The following ADAMTS16 variants were observed in gnomAD, a reference collection of about 807,000 sequenced individuals.
ADAMTS16 encodes A disintegrin and metalloproteinase with thrombospondin motifs 16.
In ADAMTS16, 94 loss-of-function variants were observed where a neutral mutation model predicts 145.8. The observed-to-expected ratio is 0.64, with a 90% CI of 0.55 to 0.77. The LOEUF is 0.77. ADAMTS16 is among the 30% of genes least tolerant of loss of function. The pLI, the probability that ADAMTS16 is intolerant of heterozygous loss-of-function variation, is 0.00. For synonymous variants in ADAMTS16, 659 were observed against 604.3 expected, an observed-to-expected ratio of 1.09 and a Z score of -1.33; for missense variants, 1,585 against 1,591.5, an observed-to-expected ratio of 1.00 and a Z score of 0.07.
In ADAMTS16 at chr5:5,250,741, G is replaced by GTGCA. The variant is rs555628197; in HGVS notation, c.2662+8550_2662+8551insTGCA. Among the ~76,000 whole-genome samples, 613 of 152,008 alleles carry GTGCA rather than the reference G, an allele frequency of 4.0e-3. 4 individuals are homozygous for GTGCA. Among genetic ancestry groups the GTGCA allele is most frequent in the African/African-American group, 0.014 (582 of 41,408 alleles). On this transcript the variant is annotated intron_variant, in intron 17 of 22. Coordinates refer to ENST00000274181, the MANE Select transcript of ADAMTS16 (RefSeq NM_139056.4). ...TGTGTGTGTGTGTGTGTGTGTGCGC[G>GTGCA]CACTCCTGGAGAGGCACAGAGATGT...
intron 5 of ADAMTS16, 50 bp downstream of exon 5, chr5:5,186,301 GGTGTGTGTGTGTGT>G (rs1553989063): frequency 2.0e-6 from 2 of 986,976 alleles, no homozygotes; most frequent in Non-Finnish European, 1.5e-6. Context: ...CACTTCGTAG[GGTGTGTGTGTGTGT>G]GTGTGTGTGT....
At chr5:5,316,224 T>C (rs1363528660) in intron 21 of ADAMTS16, among the ~76,000 whole-genome samples, 1 of 152,146 alleles carries the variant, frequency 6.6e-6, no homozygotes, top group Non-Finnish European at 1.5e-5. Flanking sequence ...TGACATACTC[T>C]CTTGTAGGTT....
chr5:5,195,555 C>T (rs1237963283), intron 8 of ADAMTS16, among the ~76,000 whole-genome samples: 2 of 152,192 alleles, frequency 1.3e-5, no homozygotes, highest in African/African-American at 2.4e-5. Context: ...CTCCGTAGCT[C>T]ATATATGCAA....
intron 16 of ADAMTS16, among the ~76,000 whole-genome samples, chr5:5,241,291 T>C (rs746953359): frequency 6.6e-6 from 1 of 152,190 alleles, no homozygotes; most frequent in Non-Finnish European, 1.5e-5. Flanking sequence ...ATCTAATACA[T>C]TTATGAGAGA....
intron 18 of ADAMTS16, among the ~76,000 whole-genome samples, chr5:5,288,379 C>T (rs1484513754): frequency 6.6e-6 from 1 of 152,132 alleles, no homozygotes; most frequent in Non-Finnish European, 1.5e-5. Context: ...CCCTAGAATG[C>T]CACGTAAAAG....
chr5:5,174,157 T>G (rs1735124747), intron 3 of ADAMTS16, among the ~76,000 whole-genome samples: 1 of 152,216 alleles, frequency 6.6e-6, no homozygotes, highest in Admixed American at 6.5e-5. Context: ...ATCCCTCAGC[T>G]TTTGTTTATC....
In ADAMTS16 at chr5:5,272,202, A is replaced by C. The variant is rs542518874; in HGVS notation, c.2789+9419A>C. 2.6e-5 allele frequency among the ~76,000 whole-genome samples: 4 copies of C among 152,162 alleles called. No homozygotes were observed. The East Asian group carries it at 7.8e-4, about 29-fold the overall frequency. Reference sequence around the variant, plus strand: ...GCTCACAGGAATGCTGGAGAAGTGAACATCTCGGTTCATTTAATTATCTAA... The same window carrying C: ...GCTCACAGGAATGCTGGAGAAGTGACCATCTCGGTTCATTTAATTATCTAA... On this transcript the variant is annotated intron_variant, in intron 18 of 22. Transcript: ENST00000274181.
Position 5,222,875 on chromosome 5 carries a change from G to A in ADAMTS16, c.1692G>A (p.Gly564=), listed in dbSNP as rs374916459. 36 of 1,613,996 alleles carry A rather than the reference G, an allele frequency of 2.2e-5. No homozygotes were observed. The highest frequency in any genetic ancestry group is 1.2e-4 in the South Asian group (11 of 91,084). The change falls in exon 11 of 23, where the codon GGG becomes GGA. Residue 564 remains glycine, a synonymous_variant. Coordinates refer to ENST00000274181, the MANE Select transcript of ADAMTS16 (RefSeq NM_139056.4). ...FMPAAEGTIC[G]HDMWCRGGQC... is the part of the protein sequence containing the mutation. ...CAGCAGCAGAAGGCACAATTTGTGGGCATGACATGGTAAGAAGCTAACTGT... is the reference window on the plus strand; with the variant it reads ...CAGCAGCAGAAGGCACAATTTGTGGACATGACATGGTAAGAAGCTAACTGT...
intron 13 of ADAMTS16, among the ~76,000 whole-genome samples, 166 bp from the exon 14 acceptor site, chr5:5,236,798 GAAACA>G (rs10535966): frequency 0.98 from 148,873 of 152,022 alleles, 72,952 homozygotes; most frequent in East Asian, 1. Context: ...TAAATTTAAA[GAAACA>G]AAACAAAACA....
At chr5:5,302,036 C>T (rs1022189457) in intron 18 of ADAMTS16, among the ~76,000 whole-genome samples, 3 of 152,182 alleles carry the variant, frequency 2.0e-5, no homozygotes, top group African/African-American at 7.2e-5. Context: ...GAAGTGACTC[C>T]AGGAGGCAGC....
chr5:5,198,973 C>T (rs1735882446), intron 8 of ADAMTS16, among the ~76,000 whole-genome samples: 1 of 152,196 alleles, frequency 6.6e-6, no homozygotes, highest in Admixed American at 6.5e-5. Context: ...AGACCCTGTG[C>T]TCTGGGAATC....
chr5:5,255,202 T>A (rs938681763), intron 17 of ADAMTS16, among the ~76,000 whole-genome samples: 2 of 152,220 alleles, frequency 1.3e-5, no homozygotes, highest in African/African-American at 4.8e-5. Flanking sequence ...TCTCATTTCT[T>A]ATCTTGCATG....
chr5:5,287,414 T>C lies in ADAMTS16; in HGVS notation c.2790-15854T>C, dbSNP rs182218021. On this transcript the variant is annotated intron_variant, in intron 18 of 22. Transcript: ENST00000274181. Reference sequence around the variant, plus strand: ...CTGAGTCTGCTGTCATTTCAACTCTTCACTTTTCAATTCTTTGCCTAGACC... The same window carrying C: ...CTGAGTCTGCTGTCATTTCAACTCTCCACTTTTCAATTCTTTGCCTAGACC... 4.5e-3 allele frequency among the ~76,000 whole-genome samples: 683 copies of C among 152,342 alleles called. 6 individuals are homozygous for C. The highest frequency in any genetic ancestry group is 0.014 in the African/African-American group (597 of 41,570).
Position 5,258,295 on chromosome 5 carries a change from T to C in ADAMTS16, c.2663-4362T>C, listed in dbSNP as rs137882281. ...GGGTCTTAGGAGCTGTGTGTACTAA[T>C]GACACCTGGGTAAACTCAAATAGAA... On this transcript the variant is annotated intron_variant, in intron 17 of 22. Coordinates refer to ENST00000274181, the MANE Select transcript of ADAMTS16 (RefSeq NM_139056.4). 3.8e-4 allele frequency among the ~76,000 whole-genome samples: 58 copies of C among 152,304 alleles called. No individual in the cohort carries two copies. The East Asian group carries it at 0.011, about 29-fold the overall frequency.
At chr5:5,229,020 C>T (rs565655186) in intron 11 of ADAMTS16, among the ~76,000 whole-genome samples, 4 of 152,280 alleles carry the variant, frequency 2.6e-5, no homozygotes, top group East Asian at 1.9e-4. Flanking sequence ...CTAAGTTGGC[C>T]GGGCGCGGTG....
chr5:5,212,214 GTT>G (rs563286650), intron 10 of ADAMTS16, among the ~76,000 whole-genome samples: 1 of 100,622 alleles, frequency 9.9e-6, no homozygotes, highest in Admixed American at 1.3e-4. Context: ...GTTTTGTTTT[GTT>G]TTTTTTTTTG....
chr5:5,175,029 A>G (rs1735148910), intron 3 of ADAMTS16, among the ~76,000 whole-genome samples: 1 of 152,204 alleles, frequency 6.6e-6, no homozygotes, highest in South Asian at 2.1e-4. Context: ...GTTGCAAGGC[A>G]AAATCCCCAT....
intron 18 of ADAMTS16, among the ~76,000 whole-genome samples, chr5:5,267,087 C>G (rs1318919520): frequency 1.3e-5 from 2 of 152,162 alleles, no homozygotes; most frequent in African/African-American, 4.8e-5. Flanking sequence ...TTTTCCCCCT[C>G]GCAGGGTGTG....
chr5:5,200,629 A>C (rs1332574596), intron 9 of ADAMTS16, among the ~76,000 whole-genome samples: 1 of 152,188 alleles, frequency 6.6e-6, no homozygotes, highest in Non-Finnish European at 1.5e-5. Flanking sequence ...CTGTATACAC[A>C]ATAATAAAGC....
Sources: allele counts gnomAD v4.1 joint callset (sites outside exome capture counted in the v4.1 genomes callset), GRCh38; gene constraint gnomAD v4.1.1; transcripts MANE v1.5; gene names NCBI Gene and HGNC (gene_info 2026-07-23, HGNC 2026-07-21).